LPCAT2: variants seen among roughly 807,000 people sequenced by gnomAD.
LPCAT2 encodes 1-AGP acyltransferase 11.
LPCAT2 carries 58 observed loss-of-function variants against 64.7 expected under a neutral mutation model. The ratio of observed to expected loss-of-function variants is 0.90; its 90% CI spans 0.73 to 1.12. The LOEUF (loss-of-function observed/expected upper bound fraction) is 1.12, where lower values mean the gene tolerates loss of function less well. Ranked by LOEUF, LPCAT2 falls within the 50% of genes most tolerant of loss-of-function variation. The probability of loss-of-function intolerance (pLI) is 0.00; values close to 1 mark genes in which losing one functional copy is unlikely to be tolerated. For missense variants in LPCAT2, 579 were observed against 669.8 expected (o/e 0.86, Z 1.50); for synonymous variants, 252 against 245.3 (o/e 1.03, Z -0.26).
chr16:55,567,358 A>G, intron 11 of LPCAT2: 1 of 1,613,712 alleles, frequency 6.2e-7, no homozygotes, highest in Non-Finnish European at 8.5e-7. Flanking sequence ...GCTAATGAAG[A>G]TGGAGATATG....
intron 1 of LPCAT2, among the ~76,000 whole-genome samples, chr16:55,524,075 G>T (rs1415934515): frequency 6.6e-6 from 1 of 151,748 alleles, no homozygotes; most frequent in Non-Finnish European, 1.5e-5. Context: ...CATTTCCACT[G>T]CTAGGTATTT....
chr16:55,516,334 G>A (rs1963011169), intron 1 of LPCAT2, among the ~76,000 whole-genome samples: 3 of 152,076 alleles, frequency 2.0e-5, no homozygotes, highest in South Asian at 4.1e-4. Context: ...CAAACTCCTG[G>A]GCTCAAGCAG....
chr16:55,535,723 A>G (rs780525850), intron 7 of LPCAT2, among the ~76,000 whole-genome samples: 2 of 152,218 alleles, frequency 1.3e-5, no homozygotes, highest in Non-Finnish European at 2.9e-5. Context: ...CAATGGATGC[A>G]TAGCATACTT....
At chr16:55,554,713 G>C (rs1567401743) in intron 11 of LPCAT2, among the ~76,000 whole-genome samples, 1 of 152,204 alleles carries the variant, frequency 6.6e-6, no homozygotes, top group Non-Finnish European at 1.5e-5. Context: ...CTTTTGGCCT[G>C]TCTGGGCTTT....
chr16:55,519,282 CG>C (rs1297994199), intron 1 of LPCAT2, among the ~76,000 whole-genome samples: 6 of 151,400 alleles, frequency 4.0e-5, no homozygotes, highest in African/African-American at 1.5e-4. Flanking sequence ...GGGCGGATCA[CG>C]GGGTCAGGAC....
intron 11 of LPCAT2, among the ~76,000 whole-genome samples, chr16:55,551,676 A>G (rs1404716798): frequency 6.6e-6 from 1 of 152,244 alleles, no homozygotes; most frequent in Non-Finnish European, 1.5e-5. Context: ...GCTTATGAAT[A>G]TTTAAGGACA....
intron 11 of LPCAT2, among the ~76,000 whole-genome samples, chr16:55,571,736 A>C (rs910528718): frequency 1.3e-5 from 2 of 152,170 alleles, no homozygotes; most frequent in Non-Finnish European, 2.9e-5. Flanking sequence ...GACATTTAAG[A>C]ATTAAAAAAA....
intron 1 of LPCAT2, among the ~76,000 whole-genome samples, chr16:55,512,642 C>T (rs562848970): frequency 7.9e-5 from 12 of 152,266 alleles, no homozygotes; most frequent in African/African-American, 2.4e-4. Flanking sequence ...AAACCTTGGC[C>T]GATTCCTGAG....
At chr16:55,564,408 G>A (rs2192856) in intron 11 of LPCAT2, among the ~76,000 whole-genome samples, 137,652 of 151,918 alleles carry the variant, frequency 0.91, 63,431 homozygotes, top group East Asian at 0.99. Context: ...AAAAAGAATA[G>A]CAAAGTTGAA....
At chr16:55,530,638 A>G (rs548142384) in intron 4 of LPCAT2, among the ~76,000 whole-genome samples, 2 of 152,274 alleles carry the variant, frequency 1.3e-5, no homozygotes, top group Admixed American at 6.5e-5. Flanking sequence ...TGAAGATGTT[A>G]AAGTCCAAGA....
intron 1 of LPCAT2, among the ~76,000 whole-genome samples, chr16:55,524,654 A>T (rs1339140603): frequency 1.3e-5 from 2 of 152,042 alleles, no homozygotes; most frequent in African/African-American, 4.8e-5. Context: ...CAGCAAAAGA[A>T]GCCTACTATC....
rs974360272 is a variant in LPCAT2, at chr16:55,518,019, A to T, written c.172-7489A>T. On this transcript the variant is annotated intron_variant, in intron 1 of 13. Transcript: ENST00000262134. Reference sequence around the variant, plus strand: ...GAAAGGAAGAAGTAAAACCATCAAGATGGCATGATTTTTTAAACATAGAAA... The same window carrying T: ...GAAAGGAAGAAGTAAAACCATCAAGTTGGCATGATTTTTTAAACATAGAAA... Among the ~76,000 whole-genome samples the T allele has an allele frequency of 3.9e-5, 6 of 152,220 alleles. No homozygotes were observed. The East Asian group carries it at 1.2e-3, about 29-fold the overall frequency.
In LPCAT2 at chr16:55,509,372, G is replaced by T. The variant is rs563568586; in HGVS notation, c.171+20G>T. The T allele has an allele frequency of 2.2e-6, 3 of 1,391,988 alleles. No homozygotes were observed. The East Asian group carries it at 8.5e-5, about 39-fold the overall frequency. The allele number at this position is 1,391,988 out of a possible 1,614,324, so 86.2% of individuals were successfully genotyped here. On this transcript the variant is annotated intron_variant, in intron 1 of 13. Transcript: ENST00000262134. Reference sequence around the variant, plus strand: ...GTCCAGGTGAGGGGCGTGGGTCTGAGGGGAGAGGTGGTCTGAGGGGGGCCT... The same window carrying T: ...GTCCAGGTGAGGGGCGTGGGTCTGATGGGAGAGGTGGTCTGAGGGGGGCCT...
chr16:55,509,929 C>G (rs1457893757), intron 1 of LPCAT2, among the ~76,000 whole-genome samples: 1 of 145,000 alleles, frequency 6.9e-6, no homozygotes, highest in African/African-American at 2.5e-5. Flanking sequence ...GAAGCTTCAA[C>G]TTGAGTTTAT....
chr16:55,515,242 A>ATG (rs1962993779), intron 1 of LPCAT2, among the ~76,000 whole-genome samples: 1 of 113,786 alleles, frequency 8.8e-6, no homozygotes. Flanking sequence ...AAAGATACCT[A>ATG]TATATAGTTA....
chr16:55,528,587 GA>G lies in LPCAT2; in HGVS notation c.523del (p.Ile175LeufsTer16), dbSNP rs1329620261. On this transcript the variant is annotated frameshift_variant, in exon 3 of 14. Transcript: ENST00000262134. LOFTEE classifies it high-confidence loss of function. ...SRNENAQVPL[I>X]GRLLRAVQPV... The stretch of plus-strand genomic sequence containing the variant: ...GAAATGAGAATGCACAAGTCCCTCT[GA>G]TTGGCAGTAAGTACTTGTAAGGTAA... 2 of 1,609,842 alleles carry G rather than the reference GA, an allele frequency of 1.2e-6. No homozygotes were observed. Among genetic ancestry groups the G allele is most frequent in the East Asian group, 4.5e-5 (2 of 44,820 alleles).
chr16:55,509,433 TGA>T, intron 1 of LPCAT2, 81 bp downstream of exon 1: 1 of 1,181,126 alleles, frequency 8.5e-7, no homozygotes, highest in Non-Finnish European at 1.1e-6. Context: ...GGTGTGGGTC[TGA>T]GAGAGGAGGG....
chr16:55,579,128 A>T lies in LPCAT2; in HGVS notation c.1334A>T (p.Asp445Val), dbSNP rs200403256. 1.1e-4 allele frequency: 180 copies of T among 1,613,058 alleles called. No homozygotes were observed. Among genetic ancestry groups the T allele is most frequent in the Non-Finnish European group, 1.1e-5 (13 of 1,179,458 alleles). ...VAFKLFDVDE[D>V]GYITEEEFST... ...CTTCAGCTGTTTGACGTTGATGAGGATGGCTACATAACGGAGGAAGAGTTC... is the reference window on the plus strand; with the variant it reads ...CTTCAGCTGTTTGACGTTGATGAGGTTGGCTACATAACGGAGGAAGAGTTC... Residue 445 changes from aspartate to valine, a missense_variant, in exon 13 of 14, where the codon GAT becomes GTT. Physicochemically the swap from Asp to Val is radical, Grantham distance 152 (BLOSUM62 -3). Transcript: ENST00000262134.
At chr16:55,552,821 GT>G (rs750231529) in intron 11 of LPCAT2, among the ~76,000 whole-genome samples, 7 of 152,210 alleles carry the variant, frequency 4.6e-5, no homozygotes, top group Non-Finnish European at 8.8e-5. Context: ...TCTTGCCTCA[GT>G]GTTGATGTGT....
Sources: allele counts gnomAD v4.1 joint callset (sites outside exome capture counted in the v4.1 genomes callset), GRCh38; gene constraint gnomAD v4.1.1; transcripts MANE v1.5; gene names NCBI Gene and HGNC (gene_info 2026-07-23, HGNC 2026-07-21).